SMIM45: variants seen among roughly 807,000 people sequenced by gnomAD.
SMIM45 encodes the protein small integral membrane protein 45.
chr22:41,948,096 G>A, the SMIM45 span, among the ~76,000 whole-genome samples: 1 of 152,148 alleles, frequency 6.6e-6, no homozygotes, highest in Non-Finnish European at 1.5e-5. Context: ...GGGACGCTCA[G>A]GGCCCATAGC....
At chr22:41,957,493 G>T in the SMIM45 span, among the ~76,000 whole-genome samples, 2 of 151,980 alleles carry the variant, frequency 1.3e-5, no homozygotes, top group African/African-American at 4.8e-5. Flanking sequence ...GAGCCACCGC[G>T]CCCGGCCTAC....
At chr22:41,954,171 G>T in the SMIM45 span, among the ~76,000 whole-genome samples, 2 of 149,898 alleles carry the variant, frequency 1.3e-5, no homozygotes, top group South Asian at 2.1e-4. Context: ...ATGGGGATAG[G>T]AATAGCACCC....
the SMIM45 span, among the ~76,000 whole-genome samples, chr22:41,948,390 G>A: frequency 6.6e-6 from 1 of 152,108 alleles, no homozygotes; most frequent in Non-Finnish European, 1.5e-5. Flanking sequence ...GATGGGGGTG[G>A]GATAGACAAT....
At chr22:41,949,663 C>G in the SMIM45 span, among the ~76,000 whole-genome samples, 1 of 152,176 alleles carries the variant, frequency 6.6e-6, no homozygotes, top group African/African-American at 2.4e-5. Flanking sequence ...AGTGCCTGCC[C>G]TGGGGACCCT....
chr22:41,958,502 G>T, the SMIM45 span: 1 of 407,560 alleles, frequency 2.5e-6, no homozygotes, highest in Admixed American at 2.7e-5. Context: ...GAGAGAGAGA[G>T]AGAGAGTCTG....
the SMIM45 span, among the ~76,000 whole-genome samples, chr22:41,957,181 C>CTTT: frequency 8.6e-3 from 511 of 59,292 alleles, 117 homozygotes; most frequent in Middle Eastern, 0.043. Flanking sequence ...ACCACGTGGT[C>CTTT]TTTTTTTTTT....
chr22:41,958,499 A>AGAGG, the SMIM45 span: 1 of 408,148 alleles, frequency 2.5e-6, no homozygotes, highest in Non-Finnish European at 5.0e-6. Flanking sequence ...AGAGAGAGAG[A>AGAGG]GAGAGAGAGT....
At chr22:41,958,483 G>GGAGAGAGA in the SMIM45 span, 15,207 of 355,092 alleles carry the variant, frequency 0.043, 1,282 homozygotes, top group African/African-American at 0.21. Flanking sequence ...GGGTTGGTGA[G>GGAGAGAGA]GAGAGAGAGA....
the SMIM45 span, among the ~76,000 whole-genome samples, chr22:41,949,463 G>C: frequency 6.6e-6 from 1 of 152,224 alleles, no homozygotes; most frequent in Admixed American, 6.5e-5. Flanking sequence ...CACTTCCGAG[G>C]CGTAGCAAGG....
At chr22:41,947,167 C>T in the SMIM45 span, 2 of 1,253,018 alleles carry the variant, frequency 1.6e-6, no homozygotes, top group Non-Finnish European at 2.3e-6. Context: ...CCTGGGGGCA[C>T]GTGCCTCCTT....
chr22:41,951,556 G>T, the SMIM45 span, among the ~76,000 whole-genome samples: 1 of 152,024 alleles, frequency 6.6e-6, no homozygotes, highest in Non-Finnish European at 1.5e-5. Context: ...GGGGTGCTGT[G>T]GGGTAGATGA....
At chr22:41,951,898 G>A in the SMIM45 span, among the ~76,000 whole-genome samples, 9 of 152,304 alleles carry the variant, frequency 5.9e-5, no homozygotes, top group Non-Finnish European at 1.3e-4. Flanking sequence ...AGAGTTATCA[G>A]CCACGGTCCT....
At chr22:41,950,791 C>T in the SMIM45 span, among the ~76,000 whole-genome samples, 6 of 152,252 alleles carry the variant, frequency 3.9e-5, no homozygotes, top group Non-Finnish European at 5.9e-5. Flanking sequence ...GTCAGTAGAT[C>T]GAGACCATCC....
chr22:41,949,794 T>C, the SMIM45 span, among the ~76,000 whole-genome samples: 1 of 152,196 alleles, frequency 6.6e-6, no homozygotes, highest in Admixed American at 6.5e-5. Flanking sequence ...GAAGCTGCTC[T>C]GTGTCCCTGG....
chr22:41,950,378 C>T, the SMIM45 span, among the ~76,000 whole-genome samples: 1 of 152,226 alleles, frequency 6.6e-6, no homozygotes, highest in Non-Finnish European at 1.5e-5. Flanking sequence ...CTTCCCCCAA[C>T]TCCTCTGCTC....
At chr22:41,952,786 T>A in the SMIM45 span, among the ~76,000 whole-genome samples, 6 of 151,908 alleles carry the variant, frequency 3.9e-5, no homozygotes, top group Non-Finnish European at 5.9e-5. Context: ...CTATTCCACA[T>A]CCCCCAGCAT....
the SMIM45 span, among the ~76,000 whole-genome samples, chr22:41,955,182 TA>T: frequency 7.5e-6 from 1 of 132,998 alleles, no homozygotes; most frequent in African/African-American, 3.3e-5. Context: ...TTTTTTATTT[TA>T]ATTTTTTTTT....
the SMIM45 span, chr22:41,947,235 C>T: frequency 1.5e-6 from 1 of 645,318 alleles, no homozygotes. Context: ...ACCTTTATCT[C>T]CTTTTCTGAG....
the SMIM45 span, among the ~76,000 whole-genome samples, chr22:41,953,990 CAA>C: frequency 4.4e-4 from 56 of 126,534 alleles, no homozygotes; most frequent in South Asian, 5.1e-4. Flanking sequence ...GATCAAGTCT[CAA>C]AAAAAAAAAA....
Sources: gnomAD v4.1 joint callset for allele counts (sites outside exome capture counted in the v4.1 genomes callset) on GRCh38, gnomAD v4.1.1 for gene constraint, MANE v1.5 for transcripts, NCBI Gene and HGNC (gene_info 2026-07-23, HGNC 2026-07-21) for gene names.